The following SERPINE2 variants were observed in gnomAD, a reference collection of about 807,000 sequenced individuals.
SERPINE2 encodes serpin family E member 2, also known as glia-derived nexin.
A neutral mutation model predicts 36.3 loss-of-function variants in SERPINE2; 14 were observed. The observed-to-expected ratio is 0.39, with a 90% CI of 0.25 to 0.60. SERPINE2 has a LOEUF of 0.60. Among genes scored for constraint, SERPINE2 ranks in the 20% least tolerant of loss-of-function variants. The pLI is 0.57. For missense variants in SERPINE2, 418 were observed against 499.6 expected, an observed-to-expected ratio of 0.84 and a Z score of 1.56; for synonymous variants, 192 against 191.8, an observed-to-expected ratio of 1.00 and a Z score of -0.01.
At chr2:224,016,971 AAG>A (rs1422073892) in intron 1 of SERPINE2, among the ~76,000 whole-genome samples, 3 of 152,226 alleles carry the variant, frequency 2.0e-5, no homozygotes, top group African/African-American at 7.2e-5. Flanking sequence ...GTTAGAGAAC[AAG>A]AGAGGGAAAG....
chr2:223,976,422 G>A (rs1320901076), intron 8 of SERPINE2, among the ~76,000 whole-genome samples: 1 of 152,148 alleles, frequency 6.6e-6, no homozygotes, highest in Non-Finnish European at 1.5e-5. Flanking sequence ...AAAGTGCTGG[G>A]ATTACAGGCA....
At chr2:224,009,587 C>T (rs1281456452) in intron 1 of SERPINE2, among the ~76,000 whole-genome samples, 7 of 152,066 alleles carry the variant, frequency 4.6e-5, no homozygotes, top group African/African-American at 1.7e-4. Context: ...CCCAGCTACT[C>T]CAGAGGCTGA....
intron 1 of SERPINE2, among the ~76,000 whole-genome samples, chr2:224,022,959 T>C (rs1175712413): frequency 6.6e-6 from 1 of 152,208 alleles, no homozygotes; most frequent in Admixed American, 6.5e-5. Context: ...CTCTGTCCTG[T>C]CACCCTGTGA....
At chr2:223,983,248 G>A (rs1026597114) in intron 5 of SERPINE2, among the ~76,000 whole-genome samples, 2 of 152,172 alleles carry the variant, frequency 1.3e-5, no homozygotes, top group African/African-American at 2.4e-5. Context: ...ATTCCTGATA[G>A]TTCATTTTGG....
intron 8 of SERPINE2, among the ~76,000 whole-genome samples, chr2:223,976,888 C>A (rs918532697): frequency 3.3e-5 from 5 of 152,176 alleles, no homozygotes; most frequent in African/African-American, 1.2e-4. Context: ...TGTTAATAAT[C>A]CCCATATATC....
intron 5 of SERPINE2, among the ~76,000 whole-genome samples, chr2:223,983,736 A>ATGTGTG (rs71058971): frequency 0.18 from 15,126 of 82,526 alleles, 1,495 homozygotes; most frequent in African/African-American, 0.28. Context: ...ATGTGTGTAT[A>ATGTGTG]TGTGTGTGTG....
intron 1 of SERPINE2, among the ~76,000 whole-genome samples, chr2:224,012,952 A>G (rs1171814657): frequency 1.3e-5 from 2 of 152,226 alleles, no homozygotes; most frequent in Non-Finnish European, 2.9e-5. Flanking sequence ...CTTTTTATAT[A>G]CACTAAGATG....
intron 7 of SERPINE2, chr2:223,978,681 G>GT (rs1375804211): frequency 6.6e-6 from 1 of 152,168 alleles, no homozygotes; most frequent in African/African-American, 2.4e-5. Flanking sequence ...ACCCCATGAA[G>GT]TATTGAACAC....
intron 1 of SERPINE2, among the ~76,000 whole-genome samples, chr2:224,008,650 T>G (rs967355404): frequency 4.3e-4 from 65 of 152,342 alleles, no homozygotes; most frequent in African/African-American, 1.5e-3. Flanking sequence ...TTAGGCTCAT[T>G]TTATACATCT....
intron 4 of SERPINE2, among the ~76,000 whole-genome samples, chr2:223,991,089 A>C (rs932429370): frequency 6.6e-6 from 1 of 152,340 alleles, no homozygotes; most frequent in Admixed American, 6.5e-5. Context: ...TAAAGAAAAG[A>C]ATTTTACATA....
intron 4 of SERPINE2, among the ~76,000 whole-genome samples, chr2:223,990,218 A>G (rs891593546): frequency 6.6e-6 from 1 of 152,198 alleles, no homozygotes; most frequent in African/African-American, 2.4e-5. Context: ...GGAAGCGGGT[A>G]AAGAAGAGAG....
At chr2:224,000,468 C>A (rs956787860) in intron 2 of SERPINE2, among the ~76,000 whole-genome samples, 2 of 152,090 alleles carry the variant, frequency 1.3e-5, no homozygotes, top group Non-Finnish European at 2.9e-5. Context: ...TTTCATTGGG[C>A]CTTACTTTAA....
chr2:224,020,054 G>A (rs1222072860), intron 1 of SERPINE2, among the ~76,000 whole-genome samples: 2 of 152,156 alleles, frequency 1.3e-5, no homozygotes, highest in Non-Finnish European at 2.9e-5. Flanking sequence ...TTTTAATTCT[G>A]CCTTCAAAAT....
intron 1 of SERPINE2, 143 bp from the exon 2 acceptor site, chr2:224,002,065 C>A: frequency 1.4e-6 from 1 of 731,652 alleles, no homozygotes; most frequent in Non-Finnish European, 2.2e-6. Flanking sequence ...CAACCTCCGC[C>A]TCCTGGGTTC....
chr2:224,038,776 C>T (rs1007229892), intron 1 of SERPINE2: 3 of 508,930 alleles, frequency 5.9e-6, no homozygotes, highest in African/African-American at 3.9e-5. Context: ...GCCACGCCGG[C>T]CCCGGTGCTC....
intron 1 of SERPINE2, among the ~76,000 whole-genome samples, chr2:224,011,876 T>C (rs1275648660): frequency 6.6e-6 from 1 of 152,210 alleles, no homozygotes; most frequent in Non-Finnish European, 1.5e-5. Context: ...AAATTAAATC[T>C]CCAATGGAGG....
At chr2:223,990,871 G>A (rs187064096) in intron 4 of SERPINE2, among the ~76,000 whole-genome samples, 32 of 152,300 alleles carry the variant, frequency 2.1e-4, no homozygotes, top group African/African-American at 7.5e-4. Flanking sequence ...CCAGCTACAT[G>A]AGAGGCTGAG....
intron 3 of SERPINE2, among the ~76,000 whole-genome samples, chr2:223,997,575 G>A (rs1690939768): frequency 6.6e-6 from 1 of 152,222 alleles, no homozygotes; most frequent in African/African-American, 2.4e-5. Context: ...AATGGGAGAA[G>A]AGACACTTAC....
At position 223,977,898 on chromosome 2, in the gene SERPINE2, G is replaced by T. The variant is rs1559191837; in HGVS notation, c.1073-271C>A. On this transcript the variant is annotated intron_variant, in intron 7 of 8. Coordinates refer to ENST00000409304, the MANE Select transcript of SERPINE2 (RefSeq NM_001136528.2). The stretch of plus-strand genomic sequence containing the variant: ...CTTACTCCTCATAGAGTTTTGATGA[G>T]AATTAAATGACATAATTAAATGACA... The T allele has an allele frequency of 2.2e-5, 8 of 369,344 alleles. No homozygotes were observed. The East Asian group carries it at 3.8e-4, about 17-fold the overall frequency. 22.9% of individuals were successfully genotyped at this position (369,344 alleles called of 1,614,324 possible). A position where few individuals can be genotyped will look rare whatever the true frequency, so the allele number is the denominator to read the frequency against.
Sources: allele counts gnomAD v4.1 joint callset (sites outside exome capture counted in the v4.1 genomes callset), GRCh38; gene constraint gnomAD v4.1.1; transcripts MANE v1.5; gene names NCBI Gene and HGNC (gene_info 2026-07-23, HGNC 2026-07-21).